PPFIA2: variants seen among roughly 807,000 people sequenced by gnomAD.
PPFIA2 encodes liprin-alpha-2.
In PPFIA2, 46 loss-of-function variants were observed where a neutral mutation model predicts 175.5. That is an observed-to-expected ratio of 0.26 (90% CI 0.21 to 0.34). The LOEUF (loss-of-function observed/expected upper bound fraction) is 0.34, where lower values mean the gene tolerates loss of function less well. Ranked by LOEUF, PPFIA2 falls within the 10% of genes least tolerant of loss-of-function variation. PPFIA2 has a pLI of 1.00. For synonymous variants in PPFIA2, 568 were observed against 511.4 expected, an observed-to-expected ratio of 1.11 and a Z score of -1.49; for missense variants, 1,179 against 1,506.1, an observed-to-expected ratio of 0.78 and a Z score of 3.60.
rs1047418360 is a variant in PPFIA2, at chr12:81,457,710, G to A, written c.405+55C>T. The stretch of plus-strand genomic sequence containing the variant: ...TTTTCTTCTTATATGTGTGTTACAT[G>A]TAATGCATTGAACTACAAATAGAAT... On this transcript the variant is annotated intron_variant, in intron 5 of 32. Coordinates refer to ENST00000549396, the MANE Select transcript of PPFIA2 (RefSeq NM_003625.5). 1.8e-5 allele frequency: 19 copies of A among 1,027,756 alleles called. No individual in the cohort carries two copies. The African/African-American group carries it at 2.4e-4, about 13-fold the overall frequency. The allele number at this position is 1,027,756 out of a possible 1,614,324, so 63.7% of individuals were successfully genotyped here.
chr12:81,502,996 A>T (rs2147469199), intron 4 of PPFIA2, among the ~76,000 whole-genome samples: 1 of 152,216 alleles, frequency 6.6e-6, no homozygotes, highest in Admixed American at 6.5e-5. Context: ...GAGACAGAGG[A>T]AGAGAAAGAG....
Position 81,389,936 on chromosome 12 carries a change from T to C in PPFIA2, c.763-5692A>G, listed in dbSNP as rs148815747. Among the ~76,000 whole-genome samples the C allele has an allele frequency of 6.5e-3, 985 of 152,130 alleles. 2 individuals carry two copies. Among genetic ancestry groups the C allele is most frequent in the Middle Eastern group, 0.02 (6 of 294 alleles). On this transcript the variant is annotated intron_variant, in intron 8 of 32. Transcript: ENST00000549396. ...CCCTTAGTGGAAATCTTATAATTAT[T>C]AGCAATCACTGACACACCCCCAGCC...
chr12:81,703,360 C>T (rs1688347062), intron 3 of PPFIA2, among the ~76,000 whole-genome samples: 1 of 151,998 alleles, frequency 6.6e-6, no homozygotes, highest in Non-Finnish European at 1.5e-5. Flanking sequence ...ATCATTCCAA[C>T]AAAACCAGAA....
chr12:81,682,436 T>C (rs1276279868), intron 3 of PPFIA2, among the ~76,000 whole-genome samples: 4 of 152,044 alleles, frequency 2.6e-5, no homozygotes, highest in African/African-American at 9.7e-5. Flanking sequence ...AGAAAACTAA[T>C]GCATGCATAT....
Position 81,638,997 on chromosome 12 carries a change from T to C in PPFIA2, c.303+37794A>G, listed in dbSNP as rs578231110. Among the ~76,000 whole-genome samples, 3 of 152,350 alleles carry C rather than the reference T, an allele frequency of 2.0e-5. No homozygotes were observed. In the South Asian group the frequency reaches 6.2e-4, roughly 32 times the overall value. ...CCACCGCGCCCGGCCTGTTTTGTCA[T>C]AAATTTTCTTTCCCACTTTAATATA... On this transcript the variant is annotated intron_variant, in intron 4 of 32. Coordinates refer to ENST00000549396, the MANE Select transcript of PPFIA2 (RefSeq NM_003625.5).
chr12:81,283,203 C>T (rs1193047649), intron 25 of PPFIA2, among the ~76,000 whole-genome samples, 164 bp from the exon 26 acceptor site: 5 of 151,994 alleles, frequency 3.3e-5, no homozygotes, highest in African/African-American at 1.2e-4. Context: ...ATCAATTTTG[C>T]AGTTCAAAGG....
intron 4 of PPFIA2, among the ~76,000 whole-genome samples, chr12:81,597,058 T>C (rs1008325511): frequency 4.6e-5 from 7 of 152,116 alleles, no homozygotes; most frequent in Non-Finnish European, 1.0e-4. Flanking sequence ...ACTTATTTTT[T>C]CCAAGTATGG....
At chr12:81,295,383 G>T (rs945125089) in intron 23 of PPFIA2, among the ~76,000 whole-genome samples, 9 of 152,082 alleles carry the variant, frequency 5.9e-5, no homozygotes, top group African/African-American at 2.2e-4. Context: ...ATTTGATAAG[G>T]GACTCAATTA....
At position 81,642,711 on chromosome 12, in the gene PPFIA2, T is replaced by TATATAATATATACATAC. The variant is rs1555549398; in HGVS notation, c.303+34079_303+34080insGTATGTATATATTATAT. 5.5e-4 allele frequency among the ~76,000 whole-genome samples: 59 copies of TATATAATATATACATAC among 108,256 alleles called. 12 individuals are homozygous for TATATAATATATACATAC. The highest frequency in any genetic ancestry group is 9.1e-4 in the Non-Finnish European group (44 of 48,496). 71.0% of individuals were successfully genotyped at this position (108,256 alleles called of 152,430 possible). ...TTATATACATACATGTATATGTATG[T>TATATAATATATACATAC]ATGTATTATATACATACATGTATAT... On this transcript the variant is annotated intron_variant, in intron 4 of 32. Coordinates refer to ENST00000549396, the MANE Select transcript of PPFIA2 (RefSeq NM_003625.5).
chr12:81,706,262 G>C (rs952392546), intron 3 of PPFIA2, among the ~76,000 whole-genome samples: 8 of 152,222 alleles, frequency 5.3e-5, no homozygotes, highest in African/African-American at 1.9e-4. Context: ...ACTATGTACT[G>C]CATAAGTATT....
chr12:81,736,633 T>C (rs1466279573), intron 3 of PPFIA2, among the ~76,000 whole-genome samples: 2 of 151,876 alleles, frequency 1.3e-5, no homozygotes, highest in Admixed American at 1.3e-4. Flanking sequence ...TCTAGAATAC[T>C]CAAAGGAATA....
chr12:81,564,321 T>C (rs1346764772), intron 4 of PPFIA2, among the ~76,000 whole-genome samples: 2 of 152,184 alleles, frequency 1.3e-5, no homozygotes, highest in East Asian at 3.8e-4. Context: ...TCCACACTCA[T>C]CATTTTACAA....
At chr12:81,516,618 G>A (rs1378329639) in intron 4 of PPFIA2, among the ~76,000 whole-genome samples, 1 of 152,110 alleles carries the variant, frequency 6.6e-6, no homozygotes, top group East Asian at 1.9e-4. Context: ...ACAGGGAGAG[G>A]TCATCTACAA....
chr12:81,460,063 G>T (rs1473650378), intron 4 of PPFIA2, among the ~76,000 whole-genome samples: 1 of 151,976 alleles, frequency 6.6e-6, no homozygotes, highest in Non-Finnish European at 1.5e-5. Context: ...ACATTTAGAG[G>T]TACCCTTTTT....
intron 5 of PPFIA2, among the ~76,000 whole-genome samples, chr12:81,449,233 G>A (rs1262230666): frequency 2.0e-5 from 3 of 152,104 alleles, no homozygotes; most frequent in South Asian, 2.1e-4. Flanking sequence ...ATGGCTGAAC[G>A]GCCCAGTGGC....
chr12:81,579,940 G>A (rs1164213371), intron 4 of PPFIA2, among the ~76,000 whole-genome samples: 1 of 151,586 alleles, frequency 6.6e-6, no homozygotes, highest in African/African-American at 2.4e-5. Context: ...GGATAATTAT[G>A]CATTCTGAAG....
At chr12:81,514,160 C>T (rs945118707) in intron 4 of PPFIA2, among the ~76,000 whole-genome samples, 4 of 151,890 alleles carry the variant, frequency 2.6e-5, no homozygotes, top group African/African-American at 9.7e-5. Context: ...CCTCTTCTAT[C>T]CCAGTCAAGT....
In PPFIA2 at chr12:81,514,965, A is replaced by G. The variant is rs2147897388; in HGVS notation, c.304-57099T>C. Among the ~76,000 whole-genome samples the G allele has an allele frequency of 1.3e-5, 2 of 151,972 alleles. 1 individual carries two copies. Among genetic ancestry groups the G allele is most frequent in the South Asian group, 4.1e-4 (2 of 4,828 alleles). On this transcript the variant is annotated intron_variant, in intron 4 of 32. Coordinates refer to ENST00000549396, the MANE Select transcript of PPFIA2 (RefSeq NM_003625.5). ...TCTTATCCACTTTTTTGCATTCCTT[A>G]AGTGTTGTTTTCTGCTATTATATTC...
intron 4 of PPFIA2, among the ~76,000 whole-genome samples, chr12:81,644,782 G>T (rs1227623959): frequency 6.6e-6 from 1 of 152,092 alleles, no homozygotes; most frequent in Admixed American, 6.6e-5. Context: ...AGTGCTCAAT[G>T]ATGATACAGA....
Sources: gnomAD v4.1 joint callset for allele counts (sites outside exome capture counted in the v4.1 genomes callset) on GRCh38, gnomAD v4.1.1 for gene constraint, MANE v1.5 for transcripts, NCBI Gene and HGNC (gene_info 2026-07-23, HGNC 2026-07-21) for gene names.